The following MDGA2 variants were observed in gnomAD, a reference collection of about 807,000 sequenced individuals.
The protein encoded by MDGA2 is MAM domain containing glycosylphosphatidylinositol anchor 2, also known as MAM domain-containing glycosylphosphatidylinositol anchor protein 2.
Under a neutral mutation model 117.8 loss-of-function variants are expected in MDGA2, and 40 were observed. The ratio of observed to expected loss-of-function variants is 0.34; its 90% CI spans 0.26 to 0.44. The LOEUF (loss-of-function observed/expected upper bound fraction) is 0.44. MDGA2 is among the 20% of genes least tolerant of loss of function. The pLI, the probability that MDGA2 is intolerant of heterozygous loss-of-function variation, is 1.00. For synonymous variants in MDGA2, 452 were observed against 439.0 expected (o/e 1.03, Z -0.37); for missense variants, 1,123 against 1,250.6 (o/e 0.90, Z 1.54).
intron 5 of MDGA2, 60 bp from the exon 6 acceptor site, chr14:47,097,183 C>T (rs1456681039): frequency 3.9e-6 from 6 of 1,550,786 alleles, no homozygotes; most frequent in Middle Eastern, 1.9e-4. Context: ...TAGAATTCAA[C>T]AGCATGCATT....
Position 47,582,309 on chromosome 14 carries a change from C to T in MDGA2, c.280+92208G>A, listed in dbSNP as rs115695458. Among the ~76,000 whole-genome samples the T allele has an allele frequency of 2.5e-3, 384 of 151,944 alleles. 2 individuals carry two copies. The highest frequency in any genetic ancestry group is 8.7e-3 in the African/African-American group (360 of 41,496). On this transcript the variant is annotated intron_variant, in intron 1 of 16. Coordinates refer to ENST00000399232, the MANE Select transcript of MDGA2 (RefSeq NM_001113498.3). Reference sequence around the variant, plus strand: ...TGAAAATGGACCTCTATATTTCATTCAAGATTTTTCATAAAACATGCAACA... The same window carrying T: ...TGAAAATGGACCTCTATATTTCATTTAAGATTTTTCATAAAACATGCAACA...
At chr14:47,277,143 C>T (rs550651387) in intron 2 of MDGA2, among the ~76,000 whole-genome samples, 12 of 152,242 alleles carry the variant, frequency 7.9e-5, no homozygotes, top group Admixed American at 2.6e-4. Context: ...TGAGCTCACA[C>T]CCTTGTTTTG....
At chr14:47,100,010 T>C (rs1341089356) in intron 5 of MDGA2, among the ~76,000 whole-genome samples, 1 of 152,012 alleles carries the variant, frequency 6.6e-6, no homozygotes, top group Admixed American at 6.6e-5. Flanking sequence ...CTATAAAATA[T>C]GTGGTCACTA....
rs115250864 is a variant in MDGA2, at chr14:46,862,295, T to C, written c.2753-7141A>G. Among the ~76,000 whole-genome samples, 714 of 151,776 alleles carry C rather than the reference T, an allele frequency of 4.7e-3. 2 individuals are homozygous for C. The highest frequency in any genetic ancestry group is 0.016 in the African/African-American group (668 of 41,502). On this transcript the variant is annotated intron_variant, in intron 14 of 16. Transcript: ENST00000399232. ...TTAGTCAGCTCTTATGTTTAAAGAC[T>C]ACAGGCAAAAAGGCTAAATGACACA...
At chr14:47,343,627 CATTA>C (rs1235135734) in intron 1 of MDGA2, among the ~76,000 whole-genome samples, 1 of 152,060 alleles carries the variant, frequency 6.6e-6, no homozygotes, top group Non-Finnish European at 1.5e-5. Flanking sequence ...ATGCCATTTT[CATTA>C]ATTATCTAAA....
chr14:47,626,926 C>T (rs990590756), intron 1 of MDGA2, among the ~76,000 whole-genome samples: 1 of 152,260 alleles, frequency 6.6e-6, no homozygotes, highest in Non-Finnish European at 1.5e-5. Context: ...GCTCCACCTG[C>T]ACCCCGGTGC....
intron 14 of MDGA2, among the ~76,000 whole-genome samples, chr14:46,870,554 T>C (rs1421572355): frequency 1.3e-5 from 2 of 151,954 alleles, no homozygotes; most frequent in African/African-American, 4.8e-5. Context: ...GACCAGGTAT[T>C]TTTGCCTAGA....
intron 3 of MDGA2, among the ~76,000 whole-genome samples, chr14:47,155,786 A>T (rs1261138544): frequency 4.0e-5 from 6 of 151,514 alleles, no homozygotes; most frequent in African/African-American, 1.5e-4. Context: ...CAAAGGTGCC[A>T]CTGGCCACAG....
chr14:47,289,300 G>C (rs1177227355), intron 2 of MDGA2, among the ~76,000 whole-genome samples: 1 of 60,652 alleles, frequency 1.6e-5, no homozygotes, highest in African/African-American at 6.3e-5. Context: ...ATACTTTCTG[G>C]ACTTACACAC....
chr14:47,114,911 A>G (rs1454791761), intron 5 of MDGA2, among the ~76,000 whole-genome samples: 2 of 151,528 alleles, frequency 1.3e-5, no homozygotes, highest in Non-Finnish European at 1.5e-5. Context: ...AAAAGCAACA[A>G]TTGACAAATG....
intron 2 of MDGA2, among the ~76,000 whole-genome samples, chr14:47,251,752 A>C (rs1369059438): frequency 6.6e-6 from 1 of 152,216 alleles, no homozygotes; most frequent in Admixed American, 6.5e-5. Flanking sequence ...CTCACTCAAG[A>C]CAAAAGAACG....
chr14:47,217,958 GACTTGT>G, intron 3 of MDGA2, 57 bp downstream of exon 3: 1 of 1,309,264 alleles, frequency 7.6e-7, no homozygotes, highest in Non-Finnish European at 1.0e-6. Context: ...GAAAACCATA[GACTTGT>G]AAGACAAAAG....
intron 6 of MDGA2, among the ~76,000 whole-genome samples, chr14:47,068,880 G>A (rs1014079995): frequency 1.1e-4 from 16 of 152,090 alleles, no homozygotes; most frequent in Non-Finnish European, 2.4e-4. Flanking sequence ...CCTTTCTTGA[G>A]CTTTTTTGTT....
chr14:47,628,105 C>T (rs1897184595), intron 1 of MDGA2, among the ~76,000 whole-genome samples: 2 of 152,136 alleles, frequency 1.3e-5, no homozygotes, highest in Admixed American at 6.5e-5. Context: ...AACTCTTTAC[C>T]AGCTTTAGCA....
In MDGA2 at chr14:46,994,567, C is replaced by G. The variant is rs1887217738; in HGVS notation, c.1820-36924G>C. Among the ~76,000 whole-genome samples, 3 of 151,988 alleles carry G rather than the reference C, an allele frequency of 2.0e-5. No homozygotes were observed. In the South Asian group the frequency reaches 6.2e-4, roughly 32 times the overall value. ...CTCAAAACACTCAAATACATAAACA[C>G]AGAAACTCAGTCCACACATAAAAAT... is the stretch of plus-strand genomic sequence containing the variant. On this transcript the variant is annotated intron_variant, in intron 8 of 16. Coordinates refer to ENST00000399232, the MANE Select transcript of MDGA2 (RefSeq NM_001113498.3).
rs538504228 is a variant in MDGA2, at chr14:47,172,914, G to A, written c.596-28640C>T. On this transcript the variant is annotated intron_variant, in intron 3 of 16. Coordinates refer to ENST00000399232, the MANE Select transcript of MDGA2 (RefSeq NM_001113498.3). ...TAAAAACTTCGAAAAAAATTTAGAC[G>A]AATGGATAACTAGAATAACCAATAC... Among the ~76,000 whole-genome samples, 63 of 152,206 alleles carry A rather than the reference G, an allele frequency of 4.1e-4. 1 individual carries two copies. Among genetic ancestry groups the A allele is most frequent in the African/African-American group, 1.4e-3 (57 of 41,538 alleles).
At chr14:46,842,181 G>A (rs535205967) in intron 16 of MDGA2, among the ~76,000 whole-genome samples, 162 bp from the exon 17 acceptor site, 49 of 152,126 alleles carry the variant, frequency 3.2e-4, no homozygotes, top group African/African-American at 9.6e-4. Flanking sequence ...ATTGCTAAGG[G>A]AAGTGAAAAG....
chr14:47,005,400 A>G (rs1208300430), intron 8 of MDGA2, among the ~76,000 whole-genome samples: 1 of 151,552 alleles, frequency 6.6e-6, no homozygotes, highest in Admixed American at 6.6e-5. Context: ...TATTAACATG[A>G]TGAATTATAT....
chr14:47,609,613 AT>A (rs1896812234), intron 1 of MDGA2, among the ~76,000 whole-genome samples: 1 of 150,610 alleles, frequency 6.6e-6, no homozygotes, highest in Non-Finnish European at 1.5e-5. Context: ...CAGTAGTGGG[AT>A]TGCTGGATCA....
Sources: gnomAD v4.1 joint callset for allele counts (sites outside exome capture counted in the v4.1 genomes callset) on GRCh38, gnomAD v4.1.1 for gene constraint, MANE v1.5 for transcripts, NCBI Gene and HGNC (gene_info 2026-07-23, HGNC 2026-07-21) for gene names.